Variants in CNDP2 observed in about 807,000 individuals in gnomAD.
CNDP2 encodes cytosolic non-specific dipeptidase.
CNDP2 carries 38 observed loss-of-function variants against 55.0 expected under a neutral mutation model. The ratio of observed to expected loss-of-function variants is 0.69; its 90% CI spans 0.53 to 0.90. The LOEUF is 0.90. Among genes scored for constraint, CNDP2 ranks in the 40% least tolerant of loss-of-function variants. The pLI, the probability that CNDP2 is intolerant of heterozygous loss-of-function variation, is 0.00. For missense variants in CNDP2, 607 were observed against 621.7 expected (o/e 0.98, Z 0.25); for synonymous variants, 241 against 260.2 (o/e 0.93, Z 0.71).
intron 1 of CNDP2, chr18:74,497,755 T>G (rs910907065): frequency 1.3e-5 from 2 of 152,172 alleles, no homozygotes; most frequent in African/African-American, 4.8e-5. Context: ...AATGCACTCC[T>G]GCCTGGGTGA....
At chr18:74,512,306 C>T in intron 6 of CNDP2, 142 bp from the exon 7 acceptor site, 1 of 651,646 alleles carries the variant, frequency 1.5e-6, no homozygotes, top group Non-Finnish European at 2.6e-6. Context: ...TTGGGAAATG[C>T]CTTGCTTTGC....
intron 1 of CNDP2, 197 bp from the exon 2 acceptor site, chr18:74,499,685 G>T: frequency 2.6e-6 from 1 of 385,414 alleles, no homozygotes; most frequent in Non-Finnish European, 4.6e-6. Context: ...GTTGTTACCT[G>T]CCATCTGACA....
At position 74,506,001 on chromosome 18, in the gene CNDP2, G is replaced by A. The variant is rs775897299; in HGVS notation, c.357G>A (p.Val119=). The A allele has an allele frequency of 3.8e-6, 6 of 1,588,726 alleles. No individual in the cohort carries two copies. Among genetic ancestry groups the A allele is most frequent in the South Asian group, 1.1e-5 (1 of 88,012 alleles). Residue 119 remains valine (V), a synonymous_variant, in exon 4 of 12, where the codon GTG becomes GTA. Coordinates refer to ENST00000324262, the MANE Select transcript of CNDP2 (RefSeq NM_018235.3). The part of the protein sequence containing the change: ...DGWDSEPFTL[V]ERDGKLYGRG... ...GGGACAGCGAGCCCTTCACCCTGGT[G>A]GAGCGAGACGGTGAGCGCCGCGCGC...
chr18:74,520,145 A>ACCTCCACTTCC lies in CNDP2; in HGVS notation c.*77_*78insCCTCCACTTCC. The ACCTCCACTTCC allele has an allele frequency of 1.4e-6, 2 of 1,404,860 alleles. No individual in the cohort carries two copies. Among genetic ancestry groups the ACCTCCACTTCC allele is most frequent in the Non-Finnish European group, 1.0e-6 (1 of 995,740 alleles). The allele number at this position is 1,404,860 out of a possible 1,614,324, so 87.0% of individuals were successfully genotyped here. A position where few individuals can be genotyped will look rare whatever the true frequency, so the allele number is the denominator to read the frequency against. On this transcript the variant is annotated 3_prime_UTR_variant, in exon 12 of 12. Coordinates refer to ENST00000324262, the MANE Select transcript of CNDP2 (RefSeq NM_018235.3). ...CACCCTTTTCCAACTTGCCCAGGGAAGTGGAGGTTCCCTCTTTCCTTTCCC... is the reference window on the plus strand; with the variant it reads ...CACCCTTTTCCAACTTGCCCAGGGAACCTCCACTTCCGTGGAGGTTCCCTCTTTCCTTTCCC...
At chr18:74,510,424 G>A (rs773938843) in intron 5 of CNDP2, among the ~76,000 whole-genome samples, 5 of 152,198 alleles carry the variant, frequency 3.3e-5, no homozygotes, top group Admixed American at 6.5e-5. Flanking sequence ...GGAGAGCAGC[G>A]CTTCTGTGCC....
intron 4 of CNDP2, chr18:74,508,566 C>G (rs954543868): frequency 5.0e-6 from 2 of 402,706 alleles, no homozygotes; most frequent in Admixed American, 3.6e-5. Flanking sequence ...CCACCCTGAC[C>G]CAGCAGGAAG....
chr18:74,506,143 T>C (rs965719443), intron 4 of CNDP2, 132 bp downstream of exon 4: 18 of 890,626 alleles, frequency 2.0e-5, no homozygotes, highest in Middle Eastern at 3.9e-4. Flanking sequence ...TTTTTAAAAA[T>C]CTTTTTTTGA....
intron 6 of CNDP2, 43 bp from the exon 7 acceptor site, chr18:74,512,405 T>C (rs1979403918): frequency 6.5e-7 from 1 of 1,528,748 alleles, no homozygotes; most frequent in Non-Finnish European, 9.0e-7. Flanking sequence ...AAAAATAAGC[T>C]CCCACTAGGC....
intron 2 of CNDP2, among the ~76,000 whole-genome samples, chr18:74,500,705 C>T (rs1367698332): frequency 6.6e-6 from 1 of 152,184 alleles, no homozygotes; most frequent in Non-Finnish European, 1.5e-5. Flanking sequence ...TCTCAGACAC[C>T]GAGTTGTAGA....
In CNDP2 at chr18:74,520,652, T is replaced by C. The variant is rs1979997413; in HGVS notation, c.*584T>C. On this transcript the variant is annotated 3_prime_UTR_variant, in exon 12 of 12. Coordinates refer to ENST00000324262, the MANE Select transcript of CNDP2 (RefSeq NM_018235.3). Reference sequence around the variant, plus strand: ...GCCTGGGCAATGTAGCAAGATCCTGTCTCTACAAGAAATTTTTTAAAAATG... The same window carrying C: ...GCCTGGGCAATGTAGCAAGATCCTGCCTCTACAAGAAATTTTTTAAAAATG... 1 of 153,298 alleles carries C rather than the reference T, an allele frequency of 6.5e-6. No homozygotes were observed. Among genetic ancestry groups the C allele is most frequent in the East Asian group, 1.9e-4 (1 of 5,166 alleles). 9.5% of individuals were successfully genotyped at this position (153,298 alleles called of 1,614,324 possible).
chr18:74,496,584 C>T (rs531441409), intron 1 of CNDP2, among the ~76,000 whole-genome samples, 153 bp downstream of exon 1: 2 of 152,292 alleles, frequency 1.3e-5, no homozygotes, highest in African/African-American at 2.4e-5. Context: ...CAATGGTGTC[C>T]GGGCTGTTCC....
chr18:74,506,951 C>CGG (rs1408517724), intron 4 of CNDP2: 1 of 152,304 alleles, frequency 6.6e-6, no homozygotes, highest in African/African-American at 2.4e-5. Flanking sequence ...GTTCCAGGCT[C>CGG]TTCTCATCGA....
At position 74,499,963 on chromosome 18, in the gene CNDP2, C is replaced by A. The variant is rs200224202; in HGVS notation, c.-11C>A. On this transcript the variant is annotated 5_prime_UTR_variant, in exon 2 of 12. It adds an upstream start codon to the 5' untranslated region. Transcript: ENST00000324262. ...ACCTTCGAGATCTGCGGTCTGGGGTCTGGTTGAAAGATGGCGGCCCTCACT... is the reference window on the plus strand; with the variant it reads ...ACCTTCGAGATCTGCGGTCTGGGGTATGGTTGAAAGATGGCGGCCCTCACT... 1.2e-6 allele frequency: 2 copies of A among 1,613,816 alleles called. No homozygotes were observed. The highest frequency in any genetic ancestry group is 1.7e-6 in the Non-Finnish European group (2 of 1,179,770).
intron 2 of CNDP2, 56 bp from the exon 3 acceptor site, chr18:74,501,273 C>T: frequency 6.4e-7 from 1 of 1,570,566 alleles, no homozygotes; most frequent in Non-Finnish European, 8.6e-7. Context: ...ACGGGAGCCT[C>T]TTCTCCCTCA....
intron 5 of CNDP2, chr18:74,509,174 A>T (rs2278160): frequency 0.015 from 7,355 of 482,846 alleles, 363 homozygotes; most frequent in Admixed American, 0.11. Flanking sequence ...ACTCAGCGTG[A>T]TTTTTGCCAC....
At chr18:74,498,956 G>A (rs1978544083) in intron 1 of CNDP2, among the ~76,000 whole-genome samples, 1 of 152,216 alleles carries the variant, frequency 6.6e-6, no homozygotes, top group Non-Finnish European at 1.5e-5. Flanking sequence ...CTTTTGAACA[G>A]TTGCCACGCT....
At chr18:74,513,490 T>G in intron 7 of CNDP2, 69 bp from the exon 8 acceptor site, 1 of 1,498,302 alleles carries the variant, frequency 6.7e-7, no homozygotes, top group Non-Finnish European at 8.9e-7. Context: ...CTGGGGTCGG[T>G]GCAGGAAAGA....
chr18:74,522,589 A>C lies in CNDP2; in HGVS notation c.*2521A>C, dbSNP rs1013946278. On this transcript the variant is annotated 3_prime_UTR_variant, in exon 12 of 12. Coordinates refer to ENST00000324262, the MANE Select transcript of CNDP2 (RefSeq NM_018235.3). The stretch of plus-strand genomic sequence containing the variant: ...CTGACTGAGTGAATGCTGTTATTGT[A>C]GGAGTGGGCTTGTTTGGCCTCCTCT... The C allele has an allele frequency of 6.6e-6, 1 of 152,314 alleles. No individual in the cohort carries two copies. Among genetic ancestry groups the C allele is most frequent in the Non-Finnish European group, 1.5e-5 (1 of 68,100 alleles). The allele number at this position is 152,314 out of a possible 1,614,324, so 9.4% of individuals were successfully genotyped here. A position where few individuals can be genotyped will look rare whatever the true frequency, so the allele number is the denominator to read the frequency against.
intron 11 of CNDP2, 58 bp from the exon 12 acceptor site, chr18:74,519,941 A>C (rs944647149): frequency 1.3e-6 from 2 of 1,533,738 alleles, no homozygotes; most frequent in African/African-American, 2.7e-5. Context: ...GAGTCACCCC[A>C]CACCTGGGTG....
Sources: allele counts gnomAD v4.1 joint callset (sites outside exome capture counted in the v4.1 genomes callset), GRCh38; gene constraint gnomAD v4.1.1; transcripts MANE v1.5; gene names NCBI Gene and HGNC (gene_info 2026-07-23, HGNC 2026-07-21).